Variants in STK32B observed in about 807,000 individuals in gnomAD.
The protein encoded by STK32B is serine/threonine-protein kinase 32B.
STK32B carries 43 observed loss-of-function variants against 52.6 expected under a neutral mutation model. The observed-to-expected ratio is 0.82, with a 90% CI of 0.64 to 1.05. The LOEUF (loss-of-function observed/expected upper bound fraction) is 1.05. Ranked by LOEUF, STK32B falls within the 50% of genes least tolerant of loss-of-function variation. STK32B has a pLI of 0.00. For missense variants in STK32B, 621 were observed against 534.6 expected (o/e 1.16, Z -1.59); for synonymous variants, 238 against 204.3 (o/e 1.17, Z -1.41).
intron 5 of STK32B, among the ~76,000 whole-genome samples, chr4:5,412,204 G>A (rs1190216586): frequency 6.6e-6 from 1 of 152,178 alleles, no homozygotes; most frequent in African/African-American, 2.4e-5. Flanking sequence ...ACAATGTCCT[G>A]ATCTCCTTCT....
intron 3 of STK32B, among the ~76,000 whole-genome samples, chr4:5,179,484 A>G (rs1720188731): frequency 6.7e-6 from 1 of 149,994 alleles, no homozygotes; most frequent in Admixed American, 6.6e-5. Flanking sequence ...TGATAAATAC[A>G]TAGATGATAG....
At chr4:5,093,312 C>A (rs921132068) in intron 1 of STK32B, among the ~76,000 whole-genome samples, 2 of 152,200 alleles carry the variant, frequency 1.3e-5, no homozygotes, top group Non-Finnish European at 2.9e-5. Flanking sequence ...TCAAAAGAAA[C>A]GTAAACAAAT....
At chr4:5,455,231 C>T (rs1193943952) in intron 7 of STK32B, among the ~76,000 whole-genome samples, 5 of 152,194 alleles carry the variant, frequency 3.3e-5, no homozygotes, top group Non-Finnish European at 4.4e-5. Context: ...CCCCTTTGGG[C>T]GGGCGCCTTC....
Position 5,412,342 on chromosome 4 carries a change from C to T in STK32B, c.473-4503C>T, listed in dbSNP as rs148252021. On this transcript the variant is annotated intron_variant, in intron 5 of 11. Transcript: ENST00000282908. ...CTTGTTGGGCACTAATTTTCACTTT[C>T]CTACATCTTCGGTTGCCCATTAGAT... 3.3e-5 allele frequency among the ~76,000 whole-genome samples: 5 copies of T among 152,208 alleles called. No homozygotes were observed. The East Asian group carries it at 9.6e-4, about 29-fold the overall frequency.
chr4:5,070,255 G>C (rs1711676680), intron 1 of STK32B, among the ~76,000 whole-genome samples: 1 of 152,188 alleles, frequency 6.6e-6, no homozygotes, highest in African/African-American at 2.4e-5. Context: ...ACTCTGGCAA[G>C]TAGTGTGGAA....
intron 4 of STK32B, among the ~76,000 whole-genome samples, chr4:5,384,794 A>G (rs916374738): frequency 2.6e-5 from 4 of 152,140 alleles, no homozygotes; most frequent in African/African-American, 7.2e-5. Context: ...GAAGAATTGC[A>G]GGAAACAGAA....
chr4:5,075,426 G>A (rs1014403375), intron 1 of STK32B, among the ~76,000 whole-genome samples: 1 of 152,108 alleles, frequency 6.6e-6, no homozygotes, highest in Non-Finnish European at 1.5e-5. Flanking sequence ...TATGTCTTCT[G>A]TGAAAATCAC....
At chr4:5,190,642 A>G (rs1314962009) in intron 3 of STK32B, among the ~76,000 whole-genome samples, 1 of 152,180 alleles carries the variant, frequency 6.6e-6, no homozygotes, top group East Asian at 1.9e-4. Context: ...GAGATCGGCA[A>G]AACTCAAATC....
At chr4:5,121,237 G>A (rs1481766905) in intron 1 of STK32B, among the ~76,000 whole-genome samples, 6 of 152,160 alleles carry the variant, frequency 3.9e-5, no homozygotes, top group African/African-American at 1.4e-4. Context: ...CCAAGTTGCT[G>A]CAAAATCCAT....
intron 3 of STK32B, among the ~76,000 whole-genome samples, chr4:5,274,771 G>C (rs182883651): frequency 6.6e-6 from 1 of 151,854 alleles, no homozygotes; most frequent in African/African-American, 2.4e-5. Context: ...TGTTTGTTAC[G>C]GCTCGAGCTG....
Position 5,490,871 on chromosome 4 carries a change from A to G in STK32B, c.1107-8074A>G, listed in dbSNP as rs572385577. On this transcript the variant is annotated intron_variant, in intron 11 of 11. Transcript: ENST00000282908. ...AGTTTACTGAGAATGATGATTTCCA[A>G]TTTCATCCATGTCCCTACAAAGGAC... Among the ~76,000 whole-genome samples the G allele has an allele frequency of 4.3e-3, 650 of 152,128 alleles. 14 individuals are homozygous for G. Among genetic ancestry groups the G allele is most frequent in the Admixed American group, 0.029 (438 of 15,280 alleles).
At position 5,283,694 on chromosome 4, in the gene STK32B, C is replaced by T. The variant is rs183559506; in HGVS notation, c.261-47526C>T. Among the ~76,000 whole-genome samples, 251 of 152,238 alleles carry T rather than the reference C, an allele frequency of 1.6e-3. 2 individuals are homozygous for T. The highest frequency in any genetic ancestry group is 5.6e-3 in the African/African-American group (233 of 41,556). On this transcript the variant is annotated intron_variant, in intron 3 of 11. Coordinates refer to ENST00000282908, the MANE Select transcript of STK32B (RefSeq NM_018401.3). ...GGAGAGAGTGGGATGATATATTCAA[C>T]GTGCTGAAGGAAACACAATTGTAAA... is the stretch of plus-strand genomic sequence containing the variant.
chr4:5,070,288 C>T (rs1475467738), intron 1 of STK32B, among the ~76,000 whole-genome samples: 1 of 151,770 alleles, frequency 6.6e-6, no homozygotes, highest in Non-Finnish European at 1.5e-5. Context: ...GAGCAGCGTC[C>T]TCTTGTCATG....
intron 1 of STK32B, among the ~76,000 whole-genome samples, chr4:5,136,833 A>T (rs1344980859): frequency 6.6e-6 from 1 of 152,062 alleles, no homozygotes; most frequent in Non-Finnish European, 1.5e-5. Context: ...AGTGTAGTAC[A>T]CCCCAGGGAG....
intron 3 of STK32B, among the ~76,000 whole-genome samples, chr4:5,227,487 G>A (rs562633846): frequency 6.6e-6 from 1 of 152,132 alleles, no homozygotes; most frequent in Non-Finnish European, 1.5e-5. Flanking sequence ...TTGAAAAGCT[G>A]TCTAATTCAT....
intron 3 of STK32B, among the ~76,000 whole-genome samples, chr4:5,207,351 G>A (rs1035279366): frequency 2.0e-5 from 3 of 152,108 alleles, no homozygotes; most frequent in Non-Finnish European, 4.4e-5. Context: ...TGCTTTTCTC[G>A]TGATAGCGAA....
At chr4:5,375,131 C>T (rs1735503261) in intron 4 of STK32B, among the ~76,000 whole-genome samples, 1 of 152,184 alleles carries the variant, frequency 6.6e-6, no homozygotes, top group African/African-American at 2.4e-5. Context: ...TCTGAAACTC[C>T]AGGCGCCCAG....
At position 5,259,677 on chromosome 4, in the gene STK32B, T is replaced by C. The variant is rs187476574; in HGVS notation, c.261-71543T>C. Among the ~76,000 whole-genome samples, 6 of 152,320 alleles carry C rather than the reference T, an allele frequency of 3.9e-5. No individual in the cohort carries two copies. In the South Asian group the frequency reaches 6.2e-4, roughly 16 times the overall value. On this transcript the variant is annotated intron_variant, in intron 3 of 11. Coordinates refer to ENST00000282908, the MANE Select transcript of STK32B (RefSeq NM_018401.3). ...TAATTTTCAAAACCTGTTTCCTTCC[T>C]CATTCTTTCTAATAGCCTTTAGGAT...
chr4:5,102,436 G>GCTTA (rs1389726585), intron 1 of STK32B, among the ~76,000 whole-genome samples: 1 of 105,154 alleles, frequency 9.5e-6, no homozygotes, highest in Non-Finnish European at 1.9e-5. Context: ...CTCCTTCCTT[G>GCTTA]CTTCCTTCCT....
Sources: allele counts gnomAD v4.1 joint callset (sites outside exome capture counted in the v4.1 genomes callset), GRCh38; gene constraint gnomAD v4.1.1; transcripts MANE v1.5; gene names NCBI Gene and HGNC (gene_info 2026-07-23, HGNC 2026-07-21).